RBM33: variants seen among roughly 807,000 people sequenced by gnomAD.
RBM33 encodes the protein RNA binding motif protein 33.
Under a neutral mutation model 132.6 loss-of-function variants are expected in RBM33, and 28 were observed. The observed-to-expected ratio is 0.21, with a 90% CI of 0.16 to 0.29. RBM33 has a LOEUF of 0.29. RBM33 is among the 10% of genes least tolerant of loss of function. The pLI is 1.00. For synonymous variants in RBM33, 634 were observed against 593.0 expected, an observed-to-expected ratio of 1.07 and a Z score of -1.01; for missense variants, 1,291 against 1,518.5, an observed-to-expected ratio of 0.85 and a Z score of 2.49.
intron 5 of RBM33, among the ~76,000 whole-genome samples, chr7:155,687,378 C>G (rs1278212889): frequency 6.6e-6 from 1 of 152,066 alleles, no homozygotes; most frequent in Non-Finnish European, 1.5e-5. Context: ...GGATATTAGC[C>G]CTTTGTCAGA....
chr7:155,646,576 A>T (rs1054290503), intron 1 of RBM33, among the ~76,000 whole-genome samples: 1 of 152,166 alleles, frequency 6.6e-6, no homozygotes, highest in Non-Finnish European at 1.5e-5. Flanking sequence ...CATCGCATGG[A>T]CTGCTCCTGT....
Position 155,689,895 on chromosome 7 carries a change from G to A in RBM33, c.567+8987G>A, listed in dbSNP as rs1585441404. ...GCTGAGGAGTGCTTTACTTCCAACT[G>A]TGTGGTCAATTTTGGAATAAGTGTG... On this transcript the variant is annotated intron_variant, in intron 5 of 17. Transcript: ENST00000401878. Among the ~76,000 whole-genome samples, 4 of 152,258 alleles carry A rather than the reference G, an allele frequency of 2.6e-5. No homozygotes were observed. The South Asian group carries it at 8.3e-4, about 32-fold the overall frequency.
chr7:155,706,618 T>C (rs1272742884), intron 6 of RBM33, among the ~76,000 whole-genome samples: 2 of 152,102 alleles, frequency 1.3e-5, no homozygotes, highest in Non-Finnish European at 2.9e-5. Context: ...TAATTTAAAA[T>C]TTACTGTTAA....
intron 5 of RBM33, among the ~76,000 whole-genome samples, chr7:155,693,303 C>G (rs1002903304): frequency 6.6e-6 from 1 of 151,110 alleles, no homozygotes. Flanking sequence ...CTAGAAGTTG[C>G]ATCTGTTTCA....
rs1468534303 is a variant in RBM33, at chr7:155,745,704, C to T, written c.2979+102C>T. 1 of 1,161,848 alleles carries T rather than the reference C, an allele frequency of 8.6e-7. No individual in the cohort carries two copies. The highest frequency in any genetic ancestry group is 1.2e-6 in the Non-Finnish European group (1 of 837,824). 72.0% of individuals were successfully genotyped at this position (1,161,848 alleles called of 1,614,324 possible). On this transcript the variant is annotated intron_variant, in intron 14 of 17. Transcript: ENST00000401878. The surrounding 1 kb of genome is among the most constrained non-coding windows in gnomAD (Gnocchi z 4.1). Reference sequence around the variant, plus strand: ...TTGAAGAAAGAATTAAAAGTTACCTCTGTTATAGTCTTGTAACCAATCTCT... The same window carrying T: ...TTGAAGAAAGAATTAAAAGTTACCTTTGTTATAGTCTTGTAACCAATCTCT...
intron 12 of RBM33, among the ~76,000 whole-genome samples, chr7:155,741,421 G>A (rs1801331263): frequency 6.6e-6 from 1 of 152,196 alleles, no homozygotes; most frequent in Non-Finnish European, 1.5e-5. Context: ...AAATTTAAGT[G>A]ACTAGGTAAA....
chr7:155,711,213 C>G lies in RBM33; in HGVS notation c.959C>G (p.Pro320Arg). Residue 320 changes from proline to arginine, a missense_variant, in exon 8 of 18, where the codon CCC becomes CGC. By Grantham distance (103) the Pro-to-Arg change is moderately radical. Around this residue, in one of 7 missense-constraint regions of RBM33, gnomAD observed 146 missense variants for 137.1 expected, o/e 1.07. Coordinates refer to ENST00000401878, the MANE Select transcript of RBM33 (RefSeq NM_053043.3). ...TTAATTCCTCCACAGCCCCAGGCTC[C>G]CCCTCCACCGCCACCGCCGCCTCAG... The part of the protein sequence containing the change: ...PTQPPVVPQA[P>R]PPPPPPPQQQ... The G allele has an allele frequency of 6.4e-7, 1 of 1,567,864 alleles. No individual in the cohort carries two copies.
chr7:155,673,697 T>TAC lies in RBM33; in HGVS notation c.171+783_171+784insCA, dbSNP rs1799050487. ...ACACGTGTATATATATACACACATA[T>TAC]ATACATACACACGTGTATATATATA... is the stretch of plus-strand genomic sequence containing the variant. On this transcript the variant is annotated intron_variant, in intron 3 of 17. Coordinates refer to ENST00000401878, the MANE Select transcript of RBM33 (RefSeq NM_053043.3). Among the ~76,000 whole-genome samples the TAC allele has an allele frequency of 1.4e-5, 2 of 140,448 alleles. 1 individual carries two copies. The highest frequency in any genetic ancestry group is 5.7e-5 in the African/African-American group (2 of 35,174). The allele number at this position is 140,448 out of a possible 152,430, so 92.1% of individuals were successfully genotyped here. A position where few individuals can be genotyped will look rare whatever the true frequency, so the allele number is the denominator to read the frequency against.
chr7:155,664,968 A>G (rs567862611), intron 1 of RBM33, among the ~76,000 whole-genome samples: 23 of 152,096 alleles, frequency 1.5e-4, no homozygotes, highest in East Asian at 1.9e-4. Flanking sequence ...ATAATGTTCA[A>G]TAAGTTGGTT....
rs1180557706 is a variant in RBM33, at chr7:155,757,362, GA to G, written c.2980-6441del. ...AAGGGAATAATTGTTCTTTTAATTA[GA>G]AAAAAAAATTCATTTTTTTCTTACA... is the stretch of plus-strand genomic sequence containing the variant. On this transcript the variant is annotated intron_variant, in intron 14 of 17. Coordinates refer to ENST00000401878, the MANE Select transcript of RBM33 (RefSeq NM_053043.3). 4.6e-5 allele frequency among the ~76,000 whole-genome samples: 7 copies of G among 151,218 alleles called. No individual in the cohort carries two copies. The South Asian group carries it at 8.3e-4, about 18-fold the overall frequency.
intron 5 of RBM33, among the ~76,000 whole-genome samples, chr7:155,693,791 G>C (rs1799714133): frequency 6.6e-6 from 1 of 151,986 alleles, no homozygotes; most frequent in Non-Finnish European, 1.5e-5. Context: ...GGGAACTCAT[G>C]CGCATAATAC....
At chr7:155,767,217 G>C (rs1390468792) in intron 16 of RBM33, among the ~76,000 whole-genome samples, 4 of 152,240 alleles carry the variant, frequency 2.6e-5, no homozygotes, top group Non-Finnish European at 4.4e-5. Flanking sequence ...AGGTCCACTG[G>C]AAACAGGGTT....
chr7:155,670,471 A>G (rs1798915015), intron 2 of RBM33, among the ~76,000 whole-genome samples: 1 of 152,208 alleles, frequency 6.6e-6, no homozygotes, highest in South Asian at 2.1e-4. Flanking sequence ...GTGAGGGTCC[A>G]GCTTTACGAT....
chr7:155,673,945 T>TGTTTTTTTTTTTTTTTTG (rs1563138321), intron 3 of RBM33, among the ~76,000 whole-genome samples: 1 of 88,482 alleles, frequency 1.1e-5, no homozygotes, highest in Non-Finnish European at 2.2e-5. Context: ...GCTTAGTTTT[T>TGTTTTTTTTTTTTTTTTG]TTTTTTTTTT....
At position 155,774,261 on chromosome 7, in the gene RBM33, C is replaced by T. The variant is rs766953834; in HGVS notation, c.3376-298C>T. Among the ~76,000 whole-genome samples the T allele has an allele frequency of 2.0e-5, 3 of 152,168 alleles. No homozygotes were observed. The highest frequency in any genetic ancestry group is 4.4e-5 in the Non-Finnish European group (3 of 68,036). ...TCTCTATCCAAGGGTACCTGCTACC[C>T]GGTCTCCCAGAGCAGGTTGGGGCAG... On this transcript the variant is annotated intron_variant, in intron 16 of 17. Coordinates refer to ENST00000401878, the MANE Select transcript of RBM33 (RefSeq NM_053043.3). This position sits in a 1 kb window ranked among gnomAD's most constrained non-coding sequence, Gnocchi z 4.2.
At chr7:155,673,431 T>G (rs1208623275) in intron 3 of RBM33, among the ~76,000 whole-genome samples, 1 of 151,028 alleles carries the variant, frequency 6.6e-6, no homozygotes, top group Admixed American at 6.6e-5. Context: ...TGTGTGTGTG[T>G]GTGTGTGTGT....
At chr7:155,741,360 A>G (rs989717961) in intron 12 of RBM33, among the ~76,000 whole-genome samples, 91 of 152,228 alleles carry the variant, frequency 6.0e-4, no homozygotes, top group African/African-American at 2.0e-3. Flanking sequence ...CCCGGGGGTC[A>G]TGTTTCTTAG....
intron 16 of RBM33, among the ~76,000 whole-genome samples, chr7:155,773,360 G>C (rs1802492362): frequency 6.6e-6 from 1 of 152,086 alleles, no homozygotes; most frequent in Non-Finnish European, 1.5e-5. Flanking sequence ...GAGGTCAGAA[G>C]TTTGAGACCA....
chr7:155,650,568 G>C (rs1001276311), intron 1 of RBM33, among the ~76,000 whole-genome samples: 3 of 152,102 alleles, frequency 2.0e-5, no homozygotes, highest in Non-Finnish European at 4.4e-5. Flanking sequence ...TGGTATTTGT[G>C]TGTACATTTG....
Sources: allele counts gnomAD v4.1 joint callset (sites outside exome capture counted in the v4.1 genomes callset), GRCh38; gene constraint gnomAD v4.1.1; regional missense constraint gnomAD v4.1.1; non-coding constraint Gnocchi (gnomAD v3.1); transcripts MANE v1.5; gene names NCBI Gene and HGNC (gene_info 2026-07-23, HGNC 2026-07-21).